The following KMT2A variants were observed in gnomAD, a reference collection of about 807,000 sequenced individuals.
KMT2A encodes lysine methyltransferase 2A.
In KMT2A, 16 loss-of-function variants were observed where a neutral mutation model predicts 345.3. The observed-to-expected ratio is 0.05, with a 90% CI of 0.03 to 0.07. The LOEUF (loss-of-function observed/expected upper bound fraction) is 0.07, where lower values mean the gene tolerates loss of function less well. Ranked by LOEUF, KMT2A falls within the 10% of genes least tolerant of loss-of-function variation. The pLI is 1.00. For missense variants in KMT2A, 3,272 were observed against 4,841.6 expected (o/e 0.68, Z 9.62); for synonymous variants, 1,599 against 1,778.6 (o/e 0.90, Z 2.54).
In KMT2A at chr11:118,520,484, C is replaced by T; in HGVS notation, c.11430-318C>T. 1 of 359,992 alleles carries T rather than the reference C, an allele frequency of 2.8e-6. No homozygotes were observed. Among genetic ancestry groups the T allele is most frequent in the Non-Finnish European group, 5.1e-6 (1 of 195,434 alleles). 22.3% of individuals were successfully genotyped at this position (359,992 alleles called of 1,614,324 possible). ...TGACCAACATAGTGAAACCCTATCT[C>T]TACTAAAAATACAAAAATTAGCCCG... is the stretch of plus-strand genomic sequence containing the variant. On this transcript the variant is annotated intron_variant, in intron 33 of 35. Coordinates refer to ENST00000534358, the MANE Select transcript of KMT2A (RefSeq NM_001197104.2). The surrounding 1 kb of genome is among the most constrained non-coding windows in gnomAD (Gnocchi z 4.3).
chr11:118,482,000 C>G lies in KMT2A; in HGVS notation c.3920C>G (p.Pro1307Arg). 6.2e-7 allele frequency: 1 copy of G among 1,614,200 alleles called. No individual in the cohort carries two copies. Among genetic ancestry groups the G allele is most frequent in the South Asian group, 1.1e-5 (1 of 91,082 alleles). ...QVSQPALVIP[P>R]QPPTTGPPRK... ...TCCCAGCCAGCACTGGTCATCCCGC[C>G]TCAGCCACCTACTACAGGACCGCCA... The change falls in exon 7 of 36, where the codon CCT becomes CGT. Residue 1307 changes from proline (P) to arginine (R), a missense_variant. Physicochemically the swap from Pro to Arg is moderately radical, Grantham distance 103. Coordinates refer to ENST00000534358, the MANE Select transcript of KMT2A (RefSeq NM_001197104.2).
chr11:118,449,221 C>A (rs1306421470), intron 1 of KMT2A: 1 of 151,836 alleles, frequency 6.6e-6, no homozygotes, highest in Non-Finnish European at 1.5e-5. Flanking sequence ...ACAAAATTTC[C>A]CAACTCATAT....
At position 118,506,583 on chromosome 11, in the gene KMT2A, G is replaced by A. The variant is rs782763989; in HGVS notation, c.10691G>A (p.Arg3564Gln). ...AAGAAGCACAAAGTTTCCCATTTGC[G>A]GACCAGTTCTTCTGAAGCACACATT... ...NGKKHKVSHL[R>Q]TSSSEAHIPD... The change falls in exon 27 of 36, where the codon CGG becomes CAG. Residue 3564 changes from arginine (R) to glutamine (Q), a missense_variant. Physicochemically the swap from Arg to Gln is conservative, Grantham distance 43 (BLOSUM62 1). Around this residue, in one of 27 missense-constraint regions of KMT2A, gnomAD observed 748 missense variants for 922.2 expected, o/e 0.81. Coordinates refer to ENST00000534358, the MANE Select transcript of KMT2A (RefSeq NM_001197104.2). 2.8e-5 allele frequency: 45 copies of A among 1,613,954 alleles called. No individual in the cohort carries two copies. The Middle Eastern group carries it at 4.9e-4, about 18-fold the overall frequency.
In KMT2A at chr11:118,503,453, C is replaced by T. The variant is rs540886080; in HGVS notation, c.7561C>T (p.Arg2521Cys). ...CAAGGAATTACAGGCACCACGGAAA[C>T]GCACAGTCAAAGTGACACTGACACC... ...SAKELQAPRKRTVKVTLTPLK... is the reference protein window; with the variant it reads ...SAKELQAPRKCTVKVTLTPLK... The change falls in exon 27 of 36, where the codon CGC (arginine) becomes TGC (cysteine). Residue 2521 changes from arginine (R) to cysteine (C), a missense_variant. Physicochemically the swap from Arg to Cys is radical, Grantham distance 180 (BLOSUM62 -3). Around this residue, in one of 27 missense-constraint regions of KMT2A, gnomAD observed 445 missense variants for 500.9 expected, o/e 0.89. Transcript: ENST00000534358. This position sits in a 1 kb window ranked among gnomAD's most constrained non-coding sequence, Gnocchi z 5.3. The T allele has an allele frequency of 1.9e-5, 30 of 1,613,932 alleles. No homozygotes were observed. The highest frequency in any genetic ancestry group is 6.7e-5 in the East Asian group (3 of 44,906).
Position 118,499,411 on chromosome 11 carries a change from A to C in KMT2A, c.6070A>C (p.Met2024Leu), listed in dbSNP as rs781887574. ...TGGCTTGGAACCAGAAAATATCCAC[A>C]TGATGATTGGTATGACCTAGCCTTG... ...LNGLEPENIH[M>L]MIGSMTIDCL... The change falls in exon 23 of 36, where the codon ATG becomes CTG. Residue 2024 changes from methionine (M) to leucine (L), a missense_variant. By Grantham distance (15) the Met-to-Leu change is conservative. Coordinates refer to ENST00000534358, the MANE Select transcript of KMT2A (RefSeq NM_001197104.2). 1 of 1,581,060 alleles carries C rather than the reference A, an allele frequency of 6.3e-7. No individual in the cohort carries two copies. Among genetic ancestry groups the C allele is most frequent in the Non-Finnish European group, 8.7e-7 (1 of 1,155,968 alleles).
rs1950142752 is a variant in KMT2A, at chr11:118,482,060, C to T, written c.3980C>T (p.Pro1327Leu). Residue 1327 changes from proline (P) to leucine (L), a missense_variant, in exon 7 of 36, where the codon CCC (proline) becomes CTC (leucine). This residue lies in a region of KMT2A where 168 missense variants were observed against 216.0 expected (regional missense o/e 0.78). Transcript: ENST00000534358. ...GTTCCCAAAACCACTCCTAGTGAGC[C>T]CAAGAAAAAGCAGCCTCCACCACCA... The part of the protein sequence containing the change: ...KEVPKTTPSE[P>L]KKKQPPPPES... 2.5e-6 allele frequency: 4 copies of T among 1,610,360 alleles called. No homozygotes were observed. The East Asian group carries it at 8.9e-5, about 36-fold the overall frequency.
rs1410757337 is a variant in KMT2A, at chr11:118,482,204, C to G, written c.4012+112C>G. 5 of 1,220,502 alleles carry G rather than the reference C, an allele frequency of 4.1e-6. No homozygotes were observed. The African/African-American group carries it at 7.7e-5, about 19-fold the overall frequency. The allele number at this position is 1,220,502 out of a possible 1,614,324, so 75.6% of individuals were successfully genotyped here. On this transcript the variant is annotated intron_variant, in intron 7 of 35. Transcript: ENST00000534358. ...AATGTATGATTTGAAGTCTTCAGTT[C>G]AAGAAAATCAGCTCTCTTTCTAACT...
chr11:118,495,962 A>G lies in KMT2A; in HGVS notation c.5557+69A>G, dbSNP rs1950403122. On this transcript the variant is annotated intron_variant, in intron 19 of 35. Coordinates refer to ENST00000534358, the MANE Select transcript of KMT2A (RefSeq NM_001197104.2). The surrounding 1 kb of genome is among the most constrained non-coding windows in gnomAD (Gnocchi z 4.1). ...GCAGATGATTGACTTCGTGAATCCA[A>G]TTCACTAAAATTAGATATACTTGGA... 7.9e-7 allele frequency: 1 copy of G among 1,270,408 alleles called. No individual in the cohort carries two copies. Among genetic ancestry groups the G allele is most frequent in the Non-Finnish European group, 1.1e-6 (1 of 905,972 alleles). 78.7% of individuals were successfully genotyped at this position (1,270,408 alleles called of 1,614,324 possible). A position where few individuals can be genotyped will look rare whatever the true frequency, so the allele number is the denominator to read the frequency against.
At chr11:118,499,502 A>G (rs1010876486) in intron 23 of KMT2A, 82 bp downstream of exon 23, 76 of 935,434 alleles carry the variant, frequency 8.1e-5, no homozygotes, top group South Asian at 7.6e-4. Flanking sequence ...AATGACCCTC[A>G]GCCAGGTGTG....
chr11:118,503,814 G>A lies in KMT2A; in HGVS notation c.7922G>A (p.Arg2641Lys). The change falls in exon 27 of 36, where the codon AGA (arginine) becomes AAA (lysine). Residue 2641 changes from arginine to lysine, a missense_variant. Arg to Lys is a conservative substitution (Grantham distance 26). This residue lies in a region of KMT2A where 21 missense variants were observed against 74.6 expected (regional missense o/e 0.28). Transcript: ENST00000534358. This position sits in a 1 kb window ranked among gnomAD's most constrained non-coding sequence, Gnocchi z 5.3. ...GGGCTTACCCCACTCTATGGAGTAA[G>A]ATCCTATGGTGAAGAAGACATTCCA... ...FFGLTPLYGV[R>K]SYGEEDIPFY... 1 of 1,614,194 alleles carries A rather than the reference G, an allele frequency of 6.2e-7. No individual in the cohort carries two copies. Among genetic ancestry groups the A allele is most frequent in the Non-Finnish European group, 8.5e-7 (1 of 1,180,046 alleles).
At chr11:118,519,413 G>A (rs781892796) in intron 31 of KMT2A, 79 of 494,720 alleles carry the variant, frequency 1.6e-4, no homozygotes, top group Non-Finnish European at 2.5e-4. Context: ...TCACTTAGCC[G>A]TCTATCACAA....
intron 31 of KMT2A, among the ~76,000 whole-genome samples, chr11:118,517,395 C>A (rs377278387): frequency 0.011 from 1,301 of 113,570 alleles, no homozygotes; most frequent in Middle Eastern, 0.013. Flanking sequence ...GACTCTGTCT[C>A]AAAAAAAAAA....
chr11:118,453,273 G>A (rs1216500324), intron 1 of KMT2A, among the ~76,000 whole-genome samples: 1 of 152,038 alleles, frequency 6.6e-6, no homozygotes, highest in Non-Finnish European at 1.5e-5. Flanking sequence ...TCCCCATGAT[G>A]CCTCTGAAAT....
chr11:118,514,736 C>T (rs376154793), intron 31 of KMT2A, among the ~76,000 whole-genome samples: 3 of 151,996 alleles, frequency 2.0e-5, no homozygotes, highest in South Asian at 2.1e-4. Context: ...CGAATTCAAG[C>T]GATTCTCCTG....
In KMT2A at chr11:118,491,041, C is replaced by T. The variant is rs763776428; in HGVS notation, c.4697-155C>T. Among the ~76,000 whole-genome samples, 4 of 152,108 alleles carry T rather than the reference C, an allele frequency of 2.6e-5. No homozygotes were observed. Among genetic ancestry groups the T allele is most frequent in the Non-Finnish European group, 4.4e-5 (3 of 68,030 alleles). On this transcript the variant is annotated intron_variant, in intron 13 of 35. Transcript: ENST00000534358. This position sits in a 1 kb window ranked among gnomAD's most constrained non-coding sequence, Gnocchi z 4.2. ...CGAGGGGCTCAGAATAATCTTGAGA[C>T]TGCAGATGTGTGAACATTCCACAGT...
intron 10 of KMT2A, among the ~76,000 whole-genome samples, chr11:118,486,650 AC>A (rs1950235189): frequency 6.6e-6 from 1 of 152,000 alleles, no homozygotes. Flanking sequence ...ACGCAGGAGG[AC>A]CGCTTGAGCT....
intron 1 of KMT2A, among the ~76,000 whole-genome samples, chr11:118,452,820 G>C (rs1194909635): frequency 6.6e-6 from 1 of 152,034 alleles, no homozygotes; most frequent in African/African-American, 2.4e-5. Flanking sequence ...TTTTAGTAGA[G>C]ATGGGGTTTC....
At chr11:118,516,044 T>A (rs974438554) in intron 31 of KMT2A, among the ~76,000 whole-genome samples, 7 of 152,156 alleles carry the variant, frequency 4.6e-5, no homozygotes, top group African/African-American at 1.7e-4. Flanking sequence ...AGATTAATCA[T>A]CTGGGGTGGA....
rs781798054 is a variant in KMT2A at position 118,436,700 on chromosome 11, C to T, written c.188C>T (p.Ala63Val). The T allele has an allele frequency of 8.5e-7, 1 of 1,178,160 alleles. No individual in the cohort carries two copies. The highest frequency in any genetic ancestry group is 3.0e-5 in the South Asian group (1 of 33,628). The allele number at this position is 1,178,160 out of a possible 1,614,324, so 73.0% of individuals were successfully genotyped here. A position where few individuals can be genotyped will look rare whatever the true frequency, so the allele number is the denominator to read the frequency against. The change falls in exon 1 of 36, where the codon GCG becomes GTG. Residue 63 changes from alanine to valine, a missense_variant. By Grantham distance (64) the Ala-to-Val change is moderately conservative. Transcript: ENST00000534358. This position sits in a 1 kb window ranked among gnomAD's most constrained non-coding sequence, Gnocchi z 6.9. The stretch of plus-strand genomic sequence containing the variant: ...CCCTCCCCCCCGGCTGTGGCGGCCG[C>T]GGCGGCGGCGGCGGGAAGCAGCGGG... Reference protein sequence around the residue: ...APPSPPAVAAAAAAAGSSGAG... With the variant: ...APPSPPAVAAVAAAAGSSGAG...
Sources: gnomAD v4.1 joint callset for allele counts (sites outside exome capture counted in the v4.1 genomes callset) on GRCh38, gnomAD v4.1.1 for gene constraint, gnomAD v4.1.1 regional missense constraint, Gnocchi (gnomAD v3.1) non-coding constraint, MANE v1.5 for transcripts, NCBI Gene and HGNC (gene_info 2026-07-23, HGNC 2026-07-21) for gene names.